The following CACNB4 variants were observed in gnomAD, a reference collection of about 807,000 sequenced individuals.
The protein encoded by CACNB4 is voltage-dependent L-type calcium channel subunit beta-4.
Under a neutral mutation model 71.2 loss-of-function variants are expected in CACNB4, and 32 were observed. That is an observed-to-expected ratio of 0.45 (90% CI 0.34 to 0.60). CACNB4 has a LOEUF of 0.60. Ranked by LOEUF, CACNB4 falls within the 20% of genes least tolerant of loss-of-function variation. CACNB4 has a pLI of 0.01. For synonymous variants in CACNB4, 231 were observed against 236.9 expected (o/e 0.97, Z 0.23); for missense variants, 464 against 647.9 (o/e 0.72, Z 3.08).
At chr2:152,053,609 G>A (rs892461583) in intron 2 of CACNB4, among the ~76,000 whole-genome samples, 2 of 148,090 alleles carry the variant, frequency 1.4e-5, no homozygotes, top group Non-Finnish European at 3.0e-5. Flanking sequence ...CTGCAGCCTC[G>A]ACCTCCTGAG....
At chr2:151,955,198 C>A (rs376626298) in intron 2 of CACNB4, among the ~76,000 whole-genome samples, 3 of 152,146 alleles carry the variant, frequency 2.0e-5, no homozygotes. Context: ...AATTTCAGAG[C>A]TGCACCTGGT....
At chr2:151,915,141 G>A (rs889570870) in intron 2 of CACNB4, among the ~76,000 whole-genome samples, 9 of 152,270 alleles carry the variant, frequency 5.9e-5, no homozygotes, top group East Asian at 5.8e-4. Flanking sequence ...CTCAGGCCCA[G>A]GGACATCCAG....
chr2:151,974,063 C>G, intron 2 of CACNB4: 1 of 718,260 alleles, frequency 1.4e-6, no homozygotes. Context: ...GAGGGCGCCT[C>G]GGAGCATCCT....
At chr2:152,017,477 G>A (rs1036049290) in intron 2 of CACNB4, among the ~76,000 whole-genome samples, 4 of 136,208 alleles carry the variant, frequency 2.9e-5, no homozygotes, top group African/African-American at 6.3e-5. Context: ...GGAGGCTGAG[G>A]CGGGCGGATC....
At chr2:151,909,232 A>T (rs1381840746) in intron 2 of CACNB4, among the ~76,000 whole-genome samples, 1 of 150,994 alleles carries the variant, frequency 6.6e-6, no homozygotes, top group African/African-American at 2.4e-5. Flanking sequence ...GGAGTTCAAG[A>T]CCAGCCTGGC....
chr2:151,933,643 A>G (rs998749178), intron 2 of CACNB4, among the ~76,000 whole-genome samples: 2 of 152,134 alleles, frequency 1.3e-5, no homozygotes, highest in African/African-American at 2.4e-5. Context: ...ACTTCTACTC[A>G]GGCTCCCCCT....
intron 5 of CACNB4, among the ~76,000 whole-genome samples, chr2:151,876,012 G>C (rs1029286408): frequency 6.7e-6 from 1 of 148,222 alleles, no homozygotes; most frequent in Non-Finnish European, 1.5e-5. Context: ...GCGGCTGGCC[G>C]GGCAGAGGGG....
At chr2:151,947,430 G>C (rs2151650623) in intron 2 of CACNB4, among the ~76,000 whole-genome samples, 1 of 152,280 alleles carries the variant, frequency 6.6e-6, no homozygotes, top group African/African-American at 2.4e-5. Flanking sequence ...TTCCTAACCA[G>C]TTTCCCTAGG....
intron 2 of CACNB4, among the ~76,000 whole-genome samples, chr2:152,061,460 T>C (rs1309616237): frequency 1.3e-5 from 2 of 152,182 alleles, no homozygotes; most frequent in East Asian, 3.8e-4. Flanking sequence ...TCATGTAATC[T>C]ATCACATTTT....
chr2:152,084,773 C>A (rs899945466), intron 2 of CACNB4, among the ~76,000 whole-genome samples: 9 of 151,802 alleles, frequency 5.9e-5, no homozygotes, highest in Non-Finnish European at 1.2e-4. Flanking sequence ...CCATGCCTGG[C>A]TAATGTTTTT....
chr2:152,041,317 A>G (rs1684862131), intron 2 of CACNB4, among the ~76,000 whole-genome samples: 1 of 152,216 alleles, frequency 6.6e-6, no homozygotes, highest in South Asian at 2.1e-4. Context: ...TTAATAAACT[A>G]TGAATTTAGA....
chr2:152,022,261 CCATT>C (rs1273190189), intron 2 of CACNB4, among the ~76,000 whole-genome samples: 6 of 152,192 alleles, frequency 3.9e-5, no homozygotes, highest in African/African-American at 1.2e-4. Flanking sequence ...TTACTGTTCA[CCATT>C]CATTATACCA....
intron 2 of CACNB4, among the ~76,000 whole-genome samples, chr2:151,915,391 G>T (rs1203249288): frequency 1.3e-5 from 2 of 152,198 alleles, no homozygotes; most frequent in African/African-American, 4.8e-5. Flanking sequence ...CGCCCAGGGA[G>T]CTCAGCGTGT....
intron 4 of CACNB4, among the ~76,000 whole-genome samples, chr2:151,878,381 A>G (rs1047908921): frequency 1.3e-5 from 2 of 152,182 alleles, no homozygotes; most frequent in African/African-American, 2.4e-5. Context: ...TTCTCCATGC[A>G]TACTATATGA....
At chr2:151,987,771 C>T (rs780338027) in intron 2 of CACNB4, among the ~76,000 whole-genome samples, 19 of 152,118 alleles carry the variant, frequency 1.2e-4, no homozygotes, top group Non-Finnish European at 2.1e-4. Flanking sequence ...AACTTAGTAC[C>T]TAGGCACAGG....
intron 2 of CACNB4, among the ~76,000 whole-genome samples, chr2:151,937,512 T>G (rs1403813076): frequency 2.0e-5 from 3 of 152,204 alleles, no homozygotes; most frequent in Non-Finnish European, 4.4e-5. Context: ...ATATTTGACA[T>G]GTGCTTTTGC....
chr2:151,895,710 AT>A (rs1455441928), intron 2 of CACNB4, among the ~76,000 whole-genome samples: 1 of 152,102 alleles, frequency 6.6e-6, no homozygotes, highest in African/African-American at 2.4e-5. Flanking sequence ...GATTACCTGC[AT>A]TAACCCTAAA....
intron 3 of CACNB4, among the ~76,000 whole-genome samples, chr2:151,882,320 C>T (rs752551104): frequency 1.3e-5 from 2 of 149,702 alleles, no homozygotes; most frequent in Non-Finnish European, 2.9e-5. Flanking sequence ...TCCCAAGTAG[C>T]TGGAATTACA....
intron 2 of CACNB4, among the ~76,000 whole-genome samples, chr2:152,065,223 C>T (rs1579230189): frequency 6.6e-6 from 1 of 151,884 alleles, no homozygotes; most frequent in Admixed American, 6.6e-5. Context: ...TCTCTACTAA[C>T]AATACCAAAA....
Sources: gnomAD v4.1 joint callset for allele counts (sites outside exome capture counted in the v4.1 genomes callset) on GRCh38, gnomAD v4.1.1 for gene constraint, MANE v1.5 for transcripts, NCBI Gene and HGNC (gene_info 2026-07-23, HGNC 2026-07-21) for gene names.